Variants in PLXNA4 observed in about 807,000 individuals in gnomAD.
The protein encoded by PLXNA4 is plexin-A4.
In PLXNA4, 44 loss-of-function variants were observed where a neutral mutation model predicts 191.8. That is an observed-to-expected ratio of 0.23 (90% CI 0.18 to 0.29). The LOEUF is 0.29. PLXNA4 is among the 10% of genes least tolerant of loss of function. The pLI is 1.00. For missense variants in PLXNA4, 1,800 were observed against 2,488.8 expected, an observed-to-expected ratio of 0.72 and a Z score of 5.89; for synonymous variants, 1,082 against 1,009.5, an observed-to-expected ratio of 1.07 and a Z score of -1.36.
intron 2 of PLXNA4, among the ~76,000 whole-genome samples, chr7:132,639,024 G>C (rs1446728432): frequency 1.1e-4 from 16 of 152,132 alleles, no homozygotes; most frequent in South Asian, 2.1e-4. Flanking sequence ...CCCTCGCATG[G>C]TGCTCTAGGG....
In PLXNA4 at chr7:132,371,751, T is replaced by C. The variant is rs138953114; in HGVS notation, c.1372-73529A>G. Among the ~76,000 whole-genome samples, 847 of 152,278 alleles carry C rather than the reference T, an allele frequency of 5.6e-3. 5 individuals are homozygous for C. Among genetic ancestry groups the C allele is most frequent in the South Asian group, 0.021 (100 of 4,822 alleles). ...ACAGTAACTCCTTTATCAAAGCCCA[T>C]GGCTGGGCCTCTCTGATCAGCCCCT... On this transcript the variant is annotated intron_variant, in intron 3 of 31. Transcript: ENST00000321063.
At chr7:132,137,228 T>G (rs1465061609) in intron 30 of PLXNA4, among the ~76,000 whole-genome samples, 1 of 152,224 alleles carries the variant, frequency 6.6e-6, no homozygotes, top group East Asian at 1.9e-4. Context: ...CTTAACCTTT[T>G]TTCATGCCGT....
rs138357802 is a variant in PLXNA4, at chr7:132,304,801, CT to C, written c.1372-6580del. On this transcript the variant is annotated intron_variant, in intron 3 of 31. Coordinates refer to ENST00000321063, the MANE Select transcript of PLXNA4 (RefSeq NM_020911.2). ...AACCCCAACCGGCCCTCCCTCCCCC[CT>C]GTCCTCTGCTGCAACCCCTTTGTGT... Among the ~76,000 whole-genome samples the C allele has an allele frequency of 4.8e-3, 730 of 152,216 alleles. 8 individuals are homozygous for C. The highest frequency in any genetic ancestry group is 0.016 in the African/African-American group (656 of 41,496).
rs939679756 is a variant in PLXNA4, at chr7:132,130,390, G to A, written c.*89C>T. On this transcript the variant is annotated 3_prime_UTR_variant, in exon 32 of 32. Coordinates refer to ENST00000321063, the MANE Select transcript of PLXNA4 (RefSeq NM_020911.2). ...TGCTCAGGGGATGCTGCTGATGCCA[G>A]TCGGAACTTGCACTTGGTAAAGATG... The A allele has an allele frequency of 6.3e-6, 10 of 1,584,764 alleles. No homozygotes were observed. The highest frequency in any genetic ancestry group is 8.6e-6 in the Non-Finnish European group (10 of 1,156,532).
At chr7:132,529,386 A>G (rs888953624) in intron 1 of PLXNA4, among the ~76,000 whole-genome samples, 2 of 152,244 alleles carry the variant, frequency 1.3e-5, no homozygotes, top group Admixed American at 1.3e-4. Flanking sequence ...CATTTTGGAA[A>G]GAATAAAATT....
Position 132,489,463 on chromosome 7 carries a change from A to G in PLXNA4, c.1200T>C (p.Ile400=). 1 of 1,569,832 alleles carries G rather than the reference A, an allele frequency of 6.4e-7. No individual in the cohort carries two copies. The stretch of plus-strand genomic sequence containing the variant: ...TGTCCAGGCCACAGAAGTTATCGTC[A>G]ATGGTTAAGAGCTGCAAATTTTAAA... ...DIPCSSALLT[I]DDNFCGLDMN... Residue 400 remains isoleucine (I), a synonymous_variant, in exon 3 of 32, where the codon ATT becomes ATC. Transcript: ENST00000321063.
chr7:132,508,597 G>A lies in PLXNA4; in HGVS notation c.97C>T (p.Leu33=). The change falls in exon 2 of 32, where the codon CTG becomes TTG. Residue 33 remains leucine (L), a synonymous_variant. Transcript: ENST00000321063. This position sits in a 1 kb window ranked among gnomAD's most constrained non-coding sequence, Gnocchi z 4.4. ...ACAAATGACCGCTGCTTCTGGGACA[G>A]CGGGGCTGGCTGCCGGGTGAGCAAA... is the stretch of plus-strand genomic sequence containing the variant. ...STLLTRQPAP[L]SQKQRSFVTF... 6.2e-7 allele frequency: 1 copy of A among 1,613,558 alleles called. No individual in the cohort carries two copies. The highest frequency in any genetic ancestry group is 8.5e-7 in the Non-Finnish European group (1 of 1,179,600).
intron 21 of PLXNA4, 78 bp downstream of exon 21, chr7:132,174,700 T>G: frequency 6.4e-7 from 1 of 1,566,182 alleles, no homozygotes; most frequent in Non-Finnish European, 8.7e-7. Flanking sequence ...TTTTCTCACC[T>G]CCGAAAGAAG....
In PLXNA4 at chr7:132,484,426, CA is replaced by C. The variant is rs1797460293; in HGVS notation, c.1371+4865del. 2.0e-5 allele frequency among the ~76,000 whole-genome samples: 3 copies of C among 152,348 alleles called. No individual in the cohort carries two copies. In the South Asian group the frequency reaches 6.2e-4, roughly 32 times the overall value. Reference sequence around the variant, plus strand: ...CTTCAACCTCAGCCTCCCCTTCACACAACCCACAGGGTAAGGTCTATGCAGG... The same window carrying C: ...CTTCAACCTCAGCCTCCCCTTCACACACCCACAGGGTAAGGTCTATGCAGG... On this transcript the variant is annotated intron_variant, in intron 3 of 31. Transcript: ENST00000321063.
At chr7:132,148,932 G>A (rs989754919) in intron 25 of PLXNA4, among the ~76,000 whole-genome samples, 1 of 152,124 alleles carries the variant, frequency 6.6e-6, no homozygotes, top group Non-Finnish European at 1.5e-5. Context: ...GTAAAAAGTA[G>A]GTGCTCAAAA....
intron 3 of PLXNA4, among the ~76,000 whole-genome samples, chr7:132,473,295 C>T (rs935531292): frequency 1.2e-4 from 19 of 152,262 alleles, no homozygotes; most frequent in Non-Finnish European, 2.5e-4. Context: ...GGTCAGTTTC[C>T]CTGCAGTTTC....
chr7:132,556,807 G>A (rs1040664254), intron 1 of PLXNA4, among the ~76,000 whole-genome samples: 2 of 152,224 alleles, frequency 1.3e-5, no homozygotes, highest in Admixed American at 1.3e-4. Context: ...GCAACGGACA[G>A]ATTCCAGGAC....
chr7:132,540,088 C>T (rs1800004146), intron 1 of PLXNA4, among the ~76,000 whole-genome samples: 1 of 152,160 alleles, frequency 6.6e-6, no homozygotes, highest in African/African-American at 2.4e-5. Flanking sequence ...CAGGGATGCT[C>T]CTCTTGCACT....
chr7:132,453,147 C>G (rs1053193981), intron 3 of PLXNA4, among the ~76,000 whole-genome samples: 9 of 152,130 alleles, frequency 5.9e-5, no homozygotes, highest in African/African-American at 2.2e-4. Flanking sequence ...AACAGTTGCC[C>G]ATGAACAAAT....
At chr7:132,368,528 C>T (rs150226295) in intron 3 of PLXNA4, among the ~76,000 whole-genome samples, 1 of 152,180 alleles carries the variant, frequency 6.6e-6, no homozygotes, top group Non-Finnish European at 1.5e-5. Flanking sequence ...GGGCTGTGGT[C>T]TCTCCTGTCA....
intron 1 of PLXNA4, among the ~76,000 whole-genome samples, chr7:132,532,841 G>T (rs1404387044): frequency 6.6e-6 from 1 of 152,130 alleles, no homozygotes; most frequent in African/African-American, 2.4e-5. Context: ...CTTTACCTAA[G>T]ATTCCTTTTT....
chr7:132,470,267 G>A lies in PLXNA4; in HGVS notation c.1371+19025C>T, dbSNP rs573442778. 3.3e-5 allele frequency among the ~76,000 whole-genome samples: 5 copies of A among 152,310 alleles called. No individual in the cohort carries two copies. The East Asian group carries it at 5.8e-4, about 18-fold the overall frequency. On this transcript the variant is annotated intron_variant, in intron 3 of 31. Coordinates refer to ENST00000321063, the MANE Select transcript of PLXNA4 (RefSeq NM_020911.2). Reference sequence around the variant, plus strand: ...AGTTCACTGGGCTCAGAAACAAGGGGGGGCCTGTCCTCACCCCATCTGGCT... The same window carrying A: ...AGTTCACTGGGCTCAGAAACAAGGGAGGGCCTGTCCTCACCCCATCTGGCT...
intron 2 of PLXNA4, among the ~76,000 whole-genome samples, chr7:132,630,516 T>C (rs1436393862): frequency 1.4e-5 from 2 of 140,726 alleles, no homozygotes. Context: ...TTTTTTGTTT[T>C]TTTGTTTTGT....
At chr7:132,484,259 C>A (rs1797452273) in intron 3 of PLXNA4, among the ~76,000 whole-genome samples, 1 of 152,148 alleles carries the variant, frequency 6.6e-6, no homozygotes, top group African/African-American at 2.4e-5. Flanking sequence ...TGGTCTGAGG[C>A]AAGATCAGTC....
Sources: gnomAD v4.1 joint callset for allele counts (sites outside exome capture counted in the v4.1 genomes callset) on GRCh38, gnomAD v4.1.1 for gene constraint, Gnocchi (gnomAD v3.1) non-coding constraint, MANE v1.5 for transcripts, NCBI Gene and HGNC (gene_info 2026-07-23, HGNC 2026-07-21) for gene names.